Variants in ST7 observed in about 807,000 individuals in gnomAD.
The protein encoded by ST7 is suppression of tumorigenicity 7.
Under a neutral mutation model 78.7 loss-of-function variants are expected in ST7, and 28 were observed. The ratio of observed to expected loss-of-function variants is 0.36; its 90% CI spans 0.26 to 0.49. The LOEUF (loss-of-function observed/expected upper bound fraction) is 0.49. ST7 is among the 20% of genes least tolerant of loss of function. ST7 has a pLI of 0.99. For synonymous variants in ST7, 247 were observed against 249.6 expected (o/e 0.99, Z 0.10); for missense variants, 418 against 696.0 (o/e 0.60, Z 4.49).
At chr7:117,188,330 A>G (rs1198795469) in intron 10 of ST7, among the ~76,000 whole-genome samples, 1 of 152,234 alleles carries the variant, frequency 6.6e-6, no homozygotes, top group Non-Finnish European at 1.5e-5. Context: ...CCAGGGGCAA[A>G]GAGTTCCTCT....
chr7:116,971,132 A>G (rs1352063543), intron 1 of ST7, among the ~76,000 whole-genome samples: 1 of 152,184 alleles, frequency 6.6e-6, no homozygotes, highest in African/African-American at 2.4e-5. Context: ...CTGCCAGCCC[A>G]CAGAGTGCAG....
chr7:116,975,218 T>C (rs1218757777), intron 1 of ST7, among the ~76,000 whole-genome samples: 1 of 152,020 alleles, frequency 6.6e-6, no homozygotes, highest in Non-Finnish European at 1.5e-5. Context: ...GGAACTGCCC[T>C]TTATAAAACC....
intron 1 of ST7, among the ~76,000 whole-genome samples, chr7:116,977,963 C>G (rs775167906): frequency 2.0e-5 from 3 of 152,150 alleles, no homozygotes; most frequent in Non-Finnish European, 4.4e-5. Context: ...ATTCATAACC[C>G]CAGTAACATT....
chr7:117,138,797 G>A (rs1347883752), intron 9 of ST7, among the ~76,000 whole-genome samples: 1 of 152,104 alleles, frequency 6.6e-6, no homozygotes, highest in Non-Finnish European at 1.5e-5. Flanking sequence ...TTTTTTCGAG[G>A]ACTAAATGAG....
intron 1 of ST7, chr7:117,076,653 T>A (rs1294953562): frequency 6.6e-6 from 1 of 152,258 alleles, no homozygotes; most frequent in African/African-American, 2.4e-5. Flanking sequence ...AGCACCCAGG[T>A]GAGTGGGTAC....
intron 12 of ST7, among the ~76,000 whole-genome samples, chr7:117,192,347 G>A (rs916493442): frequency 1.2e-4 from 19 of 152,072 alleles, no homozygotes; most frequent in African/African-American, 3.6e-4. Flanking sequence ...ATTCTGAGGC[G>A]AAAACTTGTG....
intron 9 of ST7, among the ~76,000 whole-genome samples, chr7:117,154,494 G>A (rs978155156): frequency 6.6e-6 from 1 of 152,202 alleles, no homozygotes; most frequent in Non-Finnish European, 1.5e-5. Context: ...GCAGAGGAGG[G>A]ATATGGTAGA....
At chr7:117,216,607 G>A (rs1792706212) in intron 13 of ST7, among the ~76,000 whole-genome samples, 1 of 152,134 alleles carries the variant, frequency 6.6e-6, no homozygotes, top group South Asian at 2.1e-4. Context: ...GGAGGTGGGA[G>A]GTGACGCTGG....
chr7:117,218,948 A>G, intron 13 of ST7, 136 bp from the exon 14 acceptor site: 2 of 642,938 alleles, frequency 3.1e-6, no homozygotes, highest in South Asian at 1.9e-5. Context: ...CATCTGGCAC[A>G]TAGCTTGGTG....
intron 1 of ST7, among the ~76,000 whole-genome samples, chr7:117,020,918 T>C (rs1257194512): frequency 2.0e-5 from 3 of 152,212 alleles, no homozygotes; most frequent in East Asian, 3.8e-4. Context: ...GGCCTGTCAC[T>C]GATCTATTGT....
At chr7:116,992,696 C>A (rs1365027413) in intron 1 of ST7, among the ~76,000 whole-genome samples, 1 of 152,216 alleles carries the variant, frequency 6.6e-6, no homozygotes, top group East Asian at 1.9e-4. Flanking sequence ...CAAATATCTG[C>A]AGTTGGCTTG....
At chr7:117,095,734 C>T (rs914974267) in intron 1 of ST7, among the ~76,000 whole-genome samples, 2 of 152,018 alleles carry the variant, frequency 1.3e-5, no homozygotes, top group African/African-American at 4.8e-5. Flanking sequence ...TTTGCCTAGC[C>T]CTAACAAGTA....
chr7:117,228,695 T>C (rs1318321186), intron 15 of ST7, among the ~76,000 whole-genome samples: 1 of 152,186 alleles, frequency 6.6e-6, no homozygotes, highest in Non-Finnish European at 1.5e-5. Context: ...TGATTTAACT[T>C]TATTAAATAT....
intron 1 of ST7, among the ~76,000 whole-genome samples, chr7:116,955,891 G>A (rs1281321408): frequency 2.6e-5 from 4 of 152,118 alleles, no homozygotes; most frequent in Non-Finnish European, 5.9e-5. Flanking sequence ...CGTGCCATCC[G>A]GGCTGTACCT....
chr7:117,084,956 G>A (rs1465218368), intron 1 of ST7, among the ~76,000 whole-genome samples: 3 of 152,128 alleles, frequency 2.0e-5, no homozygotes, highest in East Asian at 3.8e-4. Context: ...TCTGTTTCCA[G>A]GTTTTTAGAA....
intron 1 of ST7, among the ~76,000 whole-genome samples, chr7:116,992,169 T>C (rs1023807623): frequency 1.1e-4 from 17 of 152,296 alleles, no homozygotes; most frequent in South Asian, 2.1e-4. Flanking sequence ...TTCTGGGGTC[T>C]GGAGAACAGT....
chr7:116,961,935 A>AC (rs954331787), intron 1 of ST7, among the ~76,000 whole-genome samples: 6 of 136,546 alleles, frequency 4.4e-5, no homozygotes, highest in Admixed American at 7.3e-5. Flanking sequence ...CCCTCCCCTC[A>AC]CCCCCCCACC....
intron 1 of ST7, among the ~76,000 whole-genome samples, chr7:117,080,015 C>G (rs1201439245): frequency 2.7e-5 from 3 of 111,504 alleles, no homozygotes; most frequent in African/African-American, 3.4e-5. Flanking sequence ...GAGTCTCGCT[C>G]TGTCGCCCAG....
intron 12 of ST7, among the ~76,000 whole-genome samples, chr7:117,197,039 C>T (rs1810383171): frequency 6.6e-6 from 1 of 151,902 alleles, no homozygotes; most frequent in South Asian, 2.1e-4. Context: ...TCCCTCTTTC[C>T]CACCCGCTGA....
Sources: allele counts gnomAD v4.1 joint callset (sites outside exome capture counted in the v4.1 genomes callset), GRCh38; gene constraint gnomAD v4.1.1; transcripts MANE v1.5; gene names NCBI Gene and HGNC (gene_info 2026-07-23, HGNC 2026-07-21).